KCNT2: variants seen among roughly 807,000 people sequenced by gnomAD.
KCNT2 encodes potassium sodium-activated channel subfamily T member 2.
Under a neutral mutation model 153.8 loss-of-function variants are expected in KCNT2, and 67 were observed. That is an observed-to-expected ratio of 0.44 (90% confidence interval 0.36 to 0.53). The LOEUF (loss-of-function observed/expected upper bound fraction) is 0.53, where lower values mean the gene tolerates loss of function less well. Among genes scored for constraint, KCNT2 ranks in the 20% least tolerant of loss-of-function variants. The pLI is 0.00. For synonymous variants in KCNT2, 500 were observed against 458.8 expected, an observed-to-expected ratio of 1.09 and a Z score of -1.15; for missense variants, 975 against 1,354.8, an observed-to-expected ratio of 0.72 and a Z score of 4.40.
chr1:196,294,566 G>A (rs765226998), intron 22 of KCNT2, among the ~76,000 whole-genome samples: 21 of 151,962 alleles, frequency 1.4e-4, no homozygotes, highest in Admixed American at 3.3e-4. Flanking sequence ...GAGCCACTGC[G>A]CCCGGCCAAG....
At chr1:196,377,889 C>T (rs1016953768) in intron 13 of KCNT2, among the ~76,000 whole-genome samples, 1 of 152,038 alleles carries the variant, frequency 6.6e-6, no homozygotes, top group Non-Finnish European at 1.5e-5. Context: ...TGCAGTGCTG[C>T]CTTCACATTG....
intron 19 of KCNT2, among the ~76,000 whole-genome samples, chr1:196,324,780 A>C (rs1340520242): frequency 6.6e-6 from 1 of 152,080 alleles, no homozygotes; most frequent in Non-Finnish European, 1.5e-5. Flanking sequence ...AGAGAGGTAG[A>C]GTTTTCAGAT....
intron 26 of KCNT2, among the ~76,000 whole-genome samples, chr1:196,254,694 T>C (rs949552152): frequency 6.6e-6 from 1 of 151,662 alleles, no homozygotes; most frequent in East Asian, 1.9e-4. Flanking sequence ...GTTAAATCTA[T>C]CATAGTTTGA....
intron 8 of KCNT2, among the ~76,000 whole-genome samples, chr1:196,438,225 A>G (rs970851367): frequency 6.6e-6 from 1 of 151,810 alleles, no homozygotes; most frequent in Non-Finnish European, 1.5e-5. Context: ...TCAAATATAT[A>G]CACAAAAGTC....
At chr1:196,256,174 A>T (rs2147771304) in intron 26 of KCNT2, among the ~76,000 whole-genome samples, 1 of 152,070 alleles carries the variant, frequency 6.6e-6, no homozygotes, top group Non-Finnish European at 1.5e-5. Flanking sequence ...TCATAAAGCA[A>T]TAATTTCTAT....
intron 22 of KCNT2, among the ~76,000 whole-genome samples, chr1:196,304,451 T>C (rs1661447905): frequency 6.6e-6 from 1 of 152,104 alleles, no homozygotes; most frequent in Admixed American, 6.6e-5. Context: ...AATTTTGGGC[T>C]CAAGGAATCC....
chr1:196,334,010 G>A lies in KCNT2; in HGVS notation c.1834C>T (p.Pro612Ser). ...QDTSCRSASG[P>S]TLSLPTEGSK... ...CCCTCTGTAGGAAGAGACAGGGTAG[G>A]GCCACTTGCTGATCTACAGCTTGTA... is the stretch of plus-strand genomic sequence containing the variant. The change falls in exon 17 of 28, where the codon CCT becomes TCT. Residue 612 changes from proline (P) to serine (S), a missense_variant. Pro to Ser is a moderately conservative substitution (Grantham distance 74). Coordinates refer to ENST00000294725, the MANE Select transcript of KCNT2 (RefSeq NM_198503.5). 1 of 1,613,236 alleles carries A rather than the reference G, an allele frequency of 6.2e-7. No individual in the cohort carries two copies. The highest frequency in any genetic ancestry group is 8.5e-7 in the Non-Finnish European group (1 of 1,179,664).
chr1:196,570,895 C>A (rs1203304433), intron 1 of KCNT2, among the ~76,000 whole-genome samples: 2 of 152,080 alleles, frequency 1.3e-5, no homozygotes, highest in African/African-American at 2.4e-5. Flanking sequence ...ACTAAAAAAT[C>A]AAGTCTTTAT....
intron 1 of KCNT2, among the ~76,000 whole-genome samples, chr1:196,594,036 A>C (rs1402613899): frequency 6.6e-6 from 1 of 151,958 alleles, no homozygotes; most frequent in Non-Finnish European, 1.5e-5. Flanking sequence ...ATTCATCTCA[A>C]TTCTGTATAA....
chr1:196,311,790 A>G (rs1467603734), intron 21 of KCNT2, among the ~76,000 whole-genome samples: 1 of 151,580 alleles, frequency 6.6e-6, no homozygotes, highest in South Asian at 2.1e-4. Flanking sequence ...AATTTCTCTA[A>G]ATGTTTATTT....
chr1:196,356,642 A>C (rs1235031647), intron 14 of KCNT2, among the ~76,000 whole-genome samples: 1 of 151,950 alleles, frequency 6.6e-6, no homozygotes, highest in East Asian at 1.9e-4. Flanking sequence ...TCCTCCTGTA[A>C]GATATAACAG....
At chr1:196,535,020 T>A (rs1209448686) in intron 1 of KCNT2, among the ~76,000 whole-genome samples, 1 of 152,224 alleles carries the variant, frequency 6.6e-6, no homozygotes, top group Non-Finnish European at 1.5e-5. Context: ...TAATTCTGAT[T>A]ATAATTTCCC....
chr1:196,568,987 G>C (rs1475359843), intron 1 of KCNT2, among the ~76,000 whole-genome samples: 2 of 152,082 alleles, frequency 1.3e-5, no homozygotes, highest in Non-Finnish European at 1.5e-5. Flanking sequence ...CAGGACAATG[G>C]ATGAGGCAGG....
chr1:196,251,207 T>C (rs959000202), intron 26 of KCNT2, among the ~76,000 whole-genome samples: 1 of 152,116 alleles, frequency 6.6e-6, no homozygotes, highest in African/African-American at 2.4e-5. Flanking sequence ...GCAACCTAAG[T>C]TTCATCAAGA....
chr1:196,467,470 G>A (rs1331641523), intron 7 of KCNT2, among the ~76,000 whole-genome samples: 1 of 151,736 alleles, frequency 6.6e-6, no homozygotes, highest in African/African-American at 2.4e-5. Flanking sequence ...ACATTTAAAT[G>A]AAACAATTTA....
intron 14 of KCNT2, among the ~76,000 whole-genome samples, chr1:196,349,018 G>C (rs147463927): frequency 6.6e-6 from 1 of 152,228 alleles, no homozygotes; most frequent in African/African-American, 2.4e-5. Context: ...ATGCTGTAGA[G>C]TTCATGCACC....
At chr1:196,567,508 G>A (rs1051995028) in intron 1 of KCNT2, among the ~76,000 whole-genome samples, 1 of 152,096 alleles carries the variant, frequency 6.6e-6, no homozygotes, top group Non-Finnish European at 1.5e-5. Context: ...ATAACTGATG[G>A]TTGGGATCCA....
intron 1 of KCNT2, among the ~76,000 whole-genome samples, chr1:196,509,416 T>G (rs984328320): frequency 1.4e-4 from 21 of 152,152 alleles, no homozygotes; most frequent in African/African-American, 4.1e-4. Flanking sequence ...AATCTATGGT[T>G]ATATGCAATA....
chr1:196,265,502 T>C (rs997954448), intron 25 of KCNT2, among the ~76,000 whole-genome samples: 18 of 152,184 alleles, frequency 1.2e-4, no homozygotes, highest in African/African-American at 4.1e-4. Flanking sequence ...GTAAGAAATG[T>C]GGCTGACACT....
Sources: gnomAD v4.1 joint callset for allele counts (sites outside exome capture counted in the v4.1 genomes callset) on GRCh38, gnomAD v4.1.1 for gene constraint, MANE v1.5 for transcripts, NCBI Gene and HGNC (gene_info 2026-07-23, HGNC 2026-07-21) for gene names.